Variants in UGT1A7 observed in about 807,000 individuals in gnomAD.
The protein encoded by UGT1A7 is UDP glucuronosyltransferase family 1 member A7.
A neutral mutation model predicts 45.6 loss-of-function variants in UGT1A7; 33 were observed. That is an observed-to-expected ratio of 0.72 (90% CI 0.55 to 0.97). The LOEUF (loss-of-function observed/expected upper bound fraction) is 0.97. Among genes scored for constraint, UGT1A7 ranks in the 50% least tolerant of loss-of-function variants. UGT1A7 has a pLI of 0.00. For synonymous variants in UGT1A7, 274 were observed against 250.6 expected (o/e 1.09, Z -0.88); for missense variants, 684 against 666.2 (o/e 1.03, Z -0.29).
At chr2:233,686,285 A>T (rs969857355) in intron 1 of UGT1A7, among the ~76,000 whole-genome samples, 3 of 152,146 alleles carry the variant, frequency 2.0e-5, no homozygotes, top group Non-Finnish European at 1.5e-5. Context: ...ACAAGAAACT[A>T]AAACAAGAAA....
At chr2:233,750,125 A>G (rs1331571759) in intron 1 of UGT1A7, among the ~76,000 whole-genome samples, 47 of 151,914 alleles carry the variant, frequency 3.1e-4, no homozygotes, top group Admixed American at 3.1e-3. Flanking sequence ...AAGATGTGGG[A>G]AAGTTTGGAA....
At chr2:233,691,487 T>A (rs1274389934) in intron 1 of UGT1A7, 3 of 985,586 alleles carry the variant, frequency 3.0e-6, no homozygotes, top group Non-Finnish European at 3.6e-6. Context: ...AACTTGTGGG[T>A]GGGAACAGGA....
Position 233,772,689 on chromosome 2 carries a change from A to G in UGT1A7, c.*130A>G. ...CTTTGCATAAATTAATCAGCCCCAG[A>G]GTGCTTTAAAAAATTCTCTTAAATA... On this transcript the variant is annotated 3_prime_UTR_variant, in exon 5 of 5. Transcript: ENST00000373426. 6.7e-7 allele frequency: 1 copy of G among 1,492,458 alleles called. No homozygotes were observed. Among genetic ancestry groups the G allele is most frequent in the Non-Finnish European group, 8.9e-7 (1 of 1,128,008 alleles). The allele number at this position is 1,492,458 out of a possible 1,614,324, so 92.5% of individuals were successfully genotyped here. A position where few individuals can be genotyped will look rare whatever the true frequency, so the allele number is the denominator to read the frequency against.
intron 1 of UGT1A7, among the ~76,000 whole-genome samples, chr2:233,694,553 C>T (rs2075225840): frequency 6.6e-6 from 1 of 152,172 alleles, no homozygotes; most frequent in Admixed American, 6.5e-5. Context: ...AAATAAAAAT[C>T]TGTGAGTTTT....
intron 1 of UGT1A7, chr2:233,760,664 G>C (rs1215512591): frequency 6.2e-7 from 1 of 1,614,182 alleles, no homozygotes; most frequent in Admixed American, 1.7e-5. Context: ...CTTTTGTCTG[G>C]CTGTTCCCAC....
intron 1 of UGT1A7, among the ~76,000 whole-genome samples, chr2:233,745,444 A>G (rs1693107566): frequency 6.6e-6 from 1 of 151,758 alleles, no homozygotes; most frequent in Non-Finnish European, 1.5e-5. Flanking sequence ...ATACACTAGT[A>G]AAGGTCACTC....
At chr2:233,722,133 T>C (rs1336404223) in intron 1 of UGT1A7, 2 of 172,564 alleles carry the variant, frequency 1.2e-5, no homozygotes, top group Non-Finnish European at 2.5e-5. Context: ...TAGTAGAGTT[T>C]AAGACTCCTG....
chr2:233,735,770 G>A (rs1420645187), intron 1 of UGT1A7, among the ~76,000 whole-genome samples: 1 of 152,120 alleles, frequency 6.6e-6, no homozygotes, highest in Non-Finnish European at 1.5e-5. Flanking sequence ...CACTTATGAA[G>A]CTTACTTTGG....
intron 1 of UGT1A7, among the ~76,000 whole-genome samples, chr2:233,751,322 C>G (rs1431699530): frequency 6.6e-6 from 1 of 151,916 alleles, no homozygotes; most frequent in Non-Finnish European, 1.5e-5. Context: ...TTCTGTACCC[C>G]CATTGTGTCT....
In UGT1A7 at chr2:233,723,213, CTT is replaced by C. The variant is rs201420005; in HGVS notation, c.855+40436_855+40437del. On this transcript the variant is annotated intron_variant, in intron 1 of 4. Coordinates refer to ENST00000373426, the MANE Select transcript of UGT1A7 (RefSeq NM_019077.3). ...ATGTGGTAAAAAAAGTCAAAACTGA[CTT>C]TTTTTTTTTTTTTTGAGTTGGAGTC... Among the ~76,000 whole-genome samples, 40 of 88,776 alleles carry C rather than the reference CTT, an allele frequency of 4.5e-4. 2 individuals are homozygous for C. Among genetic ancestry groups the C allele is most frequent in the East Asian group, 2.4e-3 (8 of 3,302 alleles). 58.2% of individuals were successfully genotyped at this position (88,776 alleles called of 152,430 possible). A position where few individuals can be genotyped will look rare whatever the true frequency, so the allele number is the denominator to read the frequency against.
intron 1 of UGT1A7, chr2:233,747,692 G>A: frequency 6.2e-7 from 1 of 1,611,132 alleles, no homozygotes; most frequent in Non-Finnish European, 8.5e-7. Context: ...GTGGGGCAGT[G>A]CTGGCTAAGT....
At chr2:233,714,600 T>C (rs1271124758) in intron 1 of UGT1A7, among the ~76,000 whole-genome samples, 1 of 152,252 alleles carries the variant, frequency 6.6e-6, no homozygotes, top group East Asian at 1.9e-4. Flanking sequence ...CTAGTGGGCA[T>C]GTTAAACACC....
At chr2:233,707,648 A>G (rs1301203281) in intron 1 of UGT1A7, among the ~76,000 whole-genome samples, 1 of 151,666 alleles carries the variant, frequency 6.6e-6, no homozygotes, top group Non-Finnish European at 1.5e-5. Context: ...GTATGAATAC[A>G]CCACAATTTT....
intron 1 of UGT1A7, chr2:233,729,531 G>T (rs757870746): frequency 6.2e-7 from 1 of 1,614,140 alleles, no homozygotes. Context: ...TACATAATGA[G>T]GCCCTGATCA....
chr2:233,729,864 G>A (rs567615944), intron 1 of UGT1A7: 25 of 1,613,784 alleles, frequency 1.5e-5, no homozygotes, highest in African/African-American at 2.7e-5. Flanking sequence ...TGTCAGTGGT[G>A]GATATTCTCA....
intron 1 of UGT1A7, chr2:233,760,232 C>T: frequency 1.4e-6 from 2 of 1,429,080 alleles, no homozygotes; most frequent in South Asian, 2.6e-5. Flanking sequence ...TTGGTTTTTG[C>T]CATATATATA....
At chr2:233,747,462 T>G (rs1386153404) in intron 1 of UGT1A7, 32 of 1,608,940 alleles carry the variant, frequency 2.0e-5, no homozygotes, top group Non-Finnish European at 1.7e-5. Flanking sequence ...TGCCATTTCA[T>G]GGACCCAGGA....
chr2:233,693,845 A>G, intron 1 of UGT1A7: 1 of 1,614,152 alleles, frequency 6.2e-7, no homozygotes, highest in Non-Finnish European at 8.5e-7. Flanking sequence ...CAACTGTAAG[A>G]AGAGGAAAGA....
chr2:233,747,268 C>T lies in UGT1A7; in HGVS notation c.856-19766C>T, dbSNP rs567491863. On this transcript the variant is annotated intron_variant, in intron 1 of 4. Coordinates refer to ENST00000373426, the MANE Select transcript of UGT1A7 (RefSeq NM_019077.3). ...GTGGCTGGCCACAGGAGTGCTACTC[C>T]TTCTCAGTGCCCAGCCCTGGGCTGA... 3.1e-6 allele frequency: 5 copies of T among 1,599,420 alleles called. No individual in the cohort carries two copies. In the African/African-American group the frequency reaches 4.0e-5, roughly 13 times the overall value.
Sources: allele counts gnomAD v4.1 joint callset (sites outside exome capture counted in the v4.1 genomes callset), GRCh38; gene constraint gnomAD v4.1.1; transcripts MANE v1.5; gene names NCBI Gene and HGNC (gene_info 2026-07-23, HGNC 2026-07-21).